Variants in DEK observed in about 807,000 individuals in gnomAD.
The protein encoded by DEK is DEK proto-oncogene.
A neutral mutation model predicts 46.8 loss-of-function variants in DEK; 28 were observed. The observed-to-expected ratio is 0.60, with a 90% CI of 0.44 to 0.82. DEK has a LOEUF of 0.82. DEK is among the 40% of genes least tolerant of loss of function. The pLI is 0.00. For synonymous variants in DEK, 160 were observed against 144.5 expected (o/e 1.11, Z -0.77); for missense variants, 416 against 430.6 (o/e 0.97, Z 0.30).
rs1270988108 is a variant in DEK, at chr6:18,224,406, T to C, written c.*1313A>G. The C allele has an allele frequency of 2.1e-5, 4 of 190,606 alleles. No homozygotes were observed. Among genetic ancestry groups the C allele is most frequent in the Non-Finnish European group, 4.4e-5 (4 of 91,084 alleles). 11.8% of individuals were successfully genotyped at this position (190,606 alleles called of 1,614,324 possible). A position where few individuals can be genotyped will look rare whatever the true frequency, so the allele number is the denominator to read the frequency against. ...TGCAAAGATATTTTTCAACACTTAA[T>C]TGGTGCAACAAATGTGTCATTGTGT... On this transcript the variant is annotated 3_prime_UTR_variant, in exon 11 of 11. Transcript: ENST00000652689.
In DEK at chr6:18,224,673, T is replaced by C. The variant is rs1029466226; in HGVS notation, c.*1046A>G. The C allele has an allele frequency of 4.8e-6, 1 of 210,388 alleles. No individual in the cohort carries two copies. Among genetic ancestry groups the C allele is most frequent in the African/African-American group, 2.3e-5 (1 of 44,176 alleles). The allele number at this position is 210,388 out of a possible 1,614,324, so 13.0% of individuals were successfully genotyped here. On this transcript the variant is annotated 3_prime_UTR_variant, in exon 11 of 11. Coordinates refer to ENST00000652689, the MANE Select transcript of DEK (RefSeq NM_003472.4). ...GAGACATCCACGATTGCCTGCACAT[T>C]ATATTCTGGCATTATAATCTGGTAC...
At chr6:18,245,851 G>A (rs1791090404) in intron 7 of DEK, among the ~76,000 whole-genome samples, 1 of 152,250 alleles carries the variant, frequency 6.6e-6, no homozygotes, top group Non-Finnish European at 1.5e-5. Context: ...GGGACCCAGT[G>A]GGAGGTAACT....
At chr6:18,235,161 C>G (rs996167514) in intron 9 of DEK, among the ~76,000 whole-genome samples, 4 of 152,158 alleles carry the variant, frequency 2.6e-5, no homozygotes, top group African/African-American at 9.7e-5. Context: ...TCTAGGATAA[C>G]TTTTAAAAAT....
chr6:18,263,011 G>C (rs147093192), intron 2 of DEK, among the ~76,000 whole-genome samples: 67 of 152,128 alleles, frequency 4.4e-4, no homozygotes, highest in African/African-American at 1.6e-3. Context: ...CGAAATAACC[G>C]CAGACTAAGC....
At chr6:18,244,506 A>AC in intron 7 of DEK, 1 of 1,284,410 alleles carries the variant, frequency 7.8e-7, no homozygotes, top group South Asian at 1.2e-5. Context: ...AGCAAGGCTT[A>AC]CCTATGATTT....
At chr6:18,238,166 G>GC (rs1164227891) in intron 7 of DEK, among the ~76,000 whole-genome samples, 4 of 151,976 alleles carry the variant, frequency 2.6e-5, no homozygotes, top group African/African-American at 9.7e-5. Context: ...ACCACACCTG[G>GC]CCTAGAATCT....
At chr6:18,245,151 C>A (rs1353613811) in intron 7 of DEK, among the ~76,000 whole-genome samples, 3 of 152,190 alleles carry the variant, frequency 2.0e-5, no homozygotes, top group African/African-American at 7.2e-5. Flanking sequence ...TAAAAGGCAT[C>A]CCATTCAGGG....
chr6:18,261,751 C>CTCA (rs1350137129), intron 2 of DEK, among the ~76,000 whole-genome samples: 1 of 152,136 alleles, frequency 6.6e-6, no homozygotes, highest in African/African-American at 2.4e-5. Context: ...ATCTCACAGG[C>CTCA]TCATAGGTGG....
chr6:18,242,226 G>T (rs988212714), intron 7 of DEK, among the ~76,000 whole-genome samples: 1 of 152,176 alleles, frequency 6.6e-6, no homozygotes, highest in South Asian at 2.1e-4. Flanking sequence ...AGTCAGGCGT[G>T]GTGGCATGCA....
intron 2 of DEK, among the ~76,000 whole-genome samples, chr6:18,259,349 C>T (rs1248778090): frequency 8.0e-6 from 1 of 124,756 alleles, no homozygotes; most frequent in African/African-American, 3.1e-5. Flanking sequence ...GAGCCGAGAT[C>T]GCACCACTGC....
At chr6:18,247,925 G>A (rs1791196341) in intron 7 of DEK, among the ~76,000 whole-genome samples, 1 of 152,052 alleles carries the variant, frequency 6.6e-6, no homozygotes, top group East Asian at 1.9e-4. Flanking sequence ...ACCCACCTCG[G>A]CCTCCCAAAG....
At chr6:18,246,237 A>G (rs1417335271) in intron 7 of DEK, among the ~76,000 whole-genome samples, 1 of 152,242 alleles carries the variant, frequency 6.6e-6, no homozygotes, top group East Asian at 1.9e-4. Flanking sequence ...ATCAAAAGAA[A>G]AAAAGAAAAT....
Position 18,235,186 on chromosome 6 carries a change from G to A in DEK, c.1047+1266C>T, listed in dbSNP as rs552887521. ...CTTTTAAAAATAAAAATATGATTGCGTTATGCCCCTGCTAAATCTCAATAA... is the reference window on the plus strand; with the variant it reads ...CTTTTAAAAATAAAAATATGATTGCATTATGCCCCTGCTAAATCTCAATAA... On this transcript the variant is annotated intron_variant, in intron 9 of 10. Transcript: ENST00000652689. Among the ~76,000 whole-genome samples the A allele has an allele frequency of 2.5e-4, 38 of 152,184 alleles. 2 individuals carry two copies. Among genetic ancestry groups the A allele is most frequent in the South Asian group, 2.1e-4 (1 of 4,824 alleles).
chr6:18,235,677 C>A (rs561592123), intron 9 of DEK, among the ~76,000 whole-genome samples: 1 of 152,056 alleles, frequency 6.6e-6, no homozygotes, highest in Non-Finnish European at 1.5e-5. Context: ...TTGGTAGAGA[C>A]GGGATCTCAC....
intron 8 of DEK, 130 bp from the exon 9 acceptor site, chr6:18,236,730 T>G (rs1291864775): frequency 1.7e-6 from 1 of 572,688 alleles, no homozygotes; most frequent in Non-Finnish European, 2.7e-6. Context: ...AAATCACTAC[T>G]CTACAGTTAC....
At chr6:18,226,519 C>T (rs1464541437) in intron 9 of DEK, among the ~76,000 whole-genome samples, 2 of 152,216 alleles carry the variant, frequency 1.3e-5, no homozygotes, top group East Asian at 3.9e-4. Flanking sequence ...TGGCTCACGC[C>T]TGTAATTCCA....
intron 7 of DEK, among the ~76,000 whole-genome samples, chr6:18,239,710 A>C (rs570727680): frequency 6.6e-6 from 1 of 152,228 alleles, no homozygotes; most frequent in East Asian, 1.9e-4. Flanking sequence ...TCCTAATCCT[A>C]AGAGATGTTC....
rs756731885 is a variant in DEK, at chr6:18,223,953, A to G, written c.*1766T>C. 2.0e-5 allele frequency: 3 copies of G among 152,426 alleles called. No homozygotes were observed. Among genetic ancestry groups the G allele is most frequent in the African/African-American group, 4.8e-5 (2 of 41,448 alleles). The allele number at this position is 152,426 out of a possible 1,614,324, so 9.4% of individuals were successfully genotyped here. Reference sequence around the variant, plus strand: ...CCATTTCCTCACTTCCAAATACTCTATGCATGACTACTTACCTTCTTTATA... The same window carrying G: ...CCATTTCCTCACTTCCAAATACTCTGTGCATGACTACTTACCTTCTTTATA... On this transcript the variant is annotated 3_prime_UTR_variant, in exon 11 of 11. Coordinates refer to ENST00000652689, the MANE Select transcript of DEK (RefSeq NM_003472.4).
In DEK at chr6:18,224,714, G is replaced by A. The variant is rs1412607201; in HGVS notation, c.*1005C>T. 1 of 214,286 alleles carries A rather than the reference G, an allele frequency of 4.7e-6. No individual in the cohort carries two copies. Among genetic ancestry groups the A allele is most frequent in the East Asian group, 6.9e-5 (1 of 14,458 alleles). The allele number at this position is 214,286 out of a possible 1,614,324, so 13.3% of individuals were successfully genotyped here. ...AATCTGGTACTTTAGTCATAATCGT[G>A]AAGCTGGCTAGGTTTCCAGTAAATA... is the stretch of plus-strand genomic sequence containing the variant. On this transcript the variant is annotated 3_prime_UTR_variant, in exon 11 of 11. Transcript: ENST00000652689.
Sources: allele counts gnomAD v4.1 joint callset (sites outside exome capture counted in the v4.1 genomes callset), GRCh38; gene constraint gnomAD v4.1.1; transcripts MANE v1.5; gene names NCBI Gene and HGNC (gene_info 2026-07-23, HGNC 2026-07-21).